PKNOX1: variants seen among roughly 807,000 people sequenced by gnomAD.
The protein encoded by PKNOX1 is PBX/knotted 1 homeobox 1, also known as homeobox protein PKNOX1.
Under a neutral mutation model 51.9 loss-of-function variants are expected in PKNOX1, and 15 were observed. The ratio of observed to expected loss-of-function variants is 0.29; its 90% confidence interval spans 0.19 to 0.45. The LOEUF is 0.45. Among genes scored for constraint, PKNOX1 ranks in the 20% least tolerant of loss-of-function variants. The probability of loss-of-function intolerance (pLI) is 1.00; values close to 1 mark genes in which losing one functional copy is unlikely to be tolerated. For missense variants in PKNOX1, 462 were observed against 547.5 expected (o/e 0.84, Z 1.56); for synonymous variants, 219 against 211.1 (o/e 1.04, Z -0.32).
At chr21:42,974,912 G>A (rs1228325830) in intron 1 of PKNOX1, among the ~76,000 whole-genome samples, 2 of 146,528 alleles carry the variant, frequency 1.4e-5, no homozygotes, top group African/African-American at 2.5e-5. Flanking sequence ...CCGGCGCGGG[G>A]GCGCGCCCAG....
At chr21:43,001,143 C>G (rs1433782576) in intron 1 of PKNOX1, among the ~76,000 whole-genome samples, 2 of 152,138 alleles carry the variant, frequency 1.3e-5, no homozygotes, top group Non-Finnish European at 2.9e-5. Flanking sequence ...TGTGTAGGGT[C>G]TCTGCAGAAC....
At chr21:42,980,551 A>G (rs400262) in intron 1 of PKNOX1, among the ~76,000 whole-genome samples, 136,858 of 152,232 alleles carry the variant, frequency 0.9, 61,653 homozygotes, top group African/African-American at 0.92. Context: ...CTCTGGTGGG[A>G]GAGGGGGCGT....
At position 42,982,384 on chromosome 21, in the gene PKNOX1, G is replaced by A. The variant is rs143029025; in HGVS notation, c.-57+7720G>A. Among the ~76,000 whole-genome samples, 63 of 152,308 alleles carry A rather than the reference G, an allele frequency of 4.1e-4. 1 individual carries two copies. Among genetic ancestry groups the A allele is most frequent in the African/African-American group, 1.5e-3 (61 of 41,570 alleles). ...CATGTTCTCTCAGACATTTTATGAA[G>A]GTTTGTACATTTTTTTGCATTAAAA... On this transcript the variant is annotated intron_variant, in intron 1 of 10. Transcript: ENST00000291547.
chr21:43,003,931 G>T (rs234770), intron 1 of PKNOX1: 33,001 of 157,634 alleles, frequency 0.21, 3,830 homozygotes, highest in Non-Finnish European at 0.25. Context: ...GTAAAAATAT[G>T]TATTTTTAAA....
intron 8 of PKNOX1, among the ~76,000 whole-genome samples, chr21:43,022,488 G>C (rs937769696): frequency 6.6e-6 from 1 of 152,176 alleles, no homozygotes; most frequent in East Asian, 1.9e-4. Flanking sequence ...GGTCCTGGGA[G>C]GAGAAGGGCC....
At chr21:43,013,266 CCT>C in intron 5 of PKNOX1, 28 bp downstream of exon 5, 1 of 1,522,334 alleles carries the variant, frequency 6.6e-7, no homozygotes, top group Middle Eastern at 1.8e-4. Flanking sequence ...TCTCGCTTTC[CCT>C]CTCTGCCACT....
At chr21:43,024,208 G>A (rs1489926269) in intron 8 of PKNOX1, among the ~76,000 whole-genome samples, 1 of 152,184 alleles carries the variant, frequency 6.6e-6, no homozygotes, top group African/African-American at 2.4e-5. Flanking sequence ...CCCAGTGTCA[G>A]TTGATTCCTG....
chr21:43,031,405 G>C lies in PKNOX1; in HGVS notation c.*1304G>C, dbSNP rs1243929597. Reference sequence around the variant, plus strand: ...TGTTCTCTTGTACGTTGTTGCTTTCGACTTTTCAGAGCCCTCCTGCTCACT... The same window carrying C: ...TGTTCTCTTGTACGTTGTTGCTTTCCACTTTTCAGAGCCCTCCTGCTCACT... On this transcript the variant is annotated 3_prime_UTR_variant, in exon 11 of 11. Transcript: ENST00000291547. The C allele has an allele frequency of 3.3e-5, 5 of 152,196 alleles. No individual in the cohort carries two copies. Among genetic ancestry groups the C allele is most frequent in the Admixed American group, 3.3e-4 (5 of 15,264 alleles). 9.4% of individuals were successfully genotyped at this position (152,196 alleles called of 1,614,324 possible).
chr21:43,028,975 TG>T, intron 10 of PKNOX1, 101 bp downstream of exon 10: 1 of 1,257,432 alleles, frequency 8.0e-7, no homozygotes, highest in Non-Finnish European at 1.2e-6. Context: ...TCAGGTAATG[TG>T]GTGAACGAGA....
At position 43,028,698 on chromosome 21, in the gene PKNOX1, C is replaced by A. The variant is rs1980088001; in HGVS notation, c.927-4C>A. On this transcript the variant is annotated splice_polypyrimidine_tract_variant and splice_region_variant and intron_variant, in intron 9 of 10. Coordinates refer to ENST00000291547, the MANE Select transcript of PKNOX1 (RefSeq NM_004571.5). The stretch of plus-strand genomic sequence containing the variant: ...TCATGGAAGCTTCTCTTTGTTGACT[C>A]CAGGTTCATCAATGCCAGAAGACGA... The A allele has an allele frequency of 6.2e-7, 1 of 1,613,622 alleles. No homozygotes were observed. The highest frequency in any genetic ancestry group is 1.1e-5 in the South Asian group (1 of 91,050).
rs1979925653 is a variant in PKNOX1 at position 43,024,898 on chromosome 21, A to G, written c.877A>G (p.Lys293Glu). ...TCCCTACCCAACAGAGGATGAGAAAAAACAGATTGCTGCTCAGACAAATTT... is the reference window on the plus strand; with the variant it reads ...TCCCTACCCAACAGAGGATGAGAAAGAACAGATTGCTGCTCAGACAAATTT... ...GHPYPTEDEK[K>E]QIAAQTNLTL... The change falls in exon 9 of 11, where the codon AAA becomes GAA. Residue 293 changes from lysine (K) to glutamate (E), a missense_variant. By Grantham distance (56) the Lys-to-Glu change is moderately conservative. Coordinates refer to ENST00000291547, the MANE Select transcript of PKNOX1 (RefSeq NM_004571.5). 1 of 1,612,730 alleles carries G rather than the reference A, an allele frequency of 6.2e-7. No individual in the cohort carries two copies.
At chr21:42,989,155 A>G (rs935642781) in intron 1 of PKNOX1, among the ~76,000 whole-genome samples, 10 of 148,092 alleles carry the variant, frequency 6.8e-5, no homozygotes, top group African/African-American at 2.0e-4. Context: ...ATAATTTCCA[A>G]CTTTTTTTTT....
intron 1 of PKNOX1, among the ~76,000 whole-genome samples, chr21:42,986,587 G>A (rs1568888401): frequency 6.6e-6 from 1 of 152,212 alleles, no homozygotes; most frequent in Admixed American, 6.5e-5. Flanking sequence ...AATAGGAGCT[G>A]TGGAAGCCAG....
rs370008470 is a variant in PKNOX1, at chr21:43,010,267, T to C, written c.351+43T>C. 3.0e-5 allele frequency: 35 copies of C among 1,178,428 alleles called. 1 individual carries two copies. In the South Asian group the frequency reaches 5.5e-4, roughly 18 times the overall value. The allele number at this position is 1,178,428 out of a possible 1,614,324, so 73.0% of individuals were successfully genotyped here. On this transcript the variant is annotated intron_variant, in intron 4 of 10. Coordinates refer to ENST00000291547, the MANE Select transcript of PKNOX1 (RefSeq NM_004571.5). The stretch of plus-strand genomic sequence containing the variant: ...TATTTTTAGTTTTCAAAATGTGAAA[T>C]CTGTTCATGAAATTTTAGGCTTCTA...
At chr21:43,012,903 G>A (rs1368519152) in intron 4 of PKNOX1, among the ~76,000 whole-genome samples, 165 bp from the exon 5 acceptor site, 2 of 152,188 alleles carry the variant, frequency 1.3e-5, no homozygotes, top group Non-Finnish European at 2.9e-5. Flanking sequence ...CAGGTCAGTG[G>A]CACCGGAACA....
At chr21:42,985,197 G>C (rs1413795278) in intron 1 of PKNOX1, among the ~76,000 whole-genome samples, 12 of 151,978 alleles carry the variant, frequency 7.9e-5, no homozygotes, top group Non-Finnish European at 2.9e-5. Context: ...ACGTTGGCCA[G>C]GCTGATCTCG....
At chr21:42,976,367 G>A (rs1244372432) in intron 1 of PKNOX1, among the ~76,000 whole-genome samples, 1 of 152,208 alleles carries the variant, frequency 6.6e-6, no homozygotes, top group Non-Finnish European at 1.5e-5. Flanking sequence ...CAGTGTGGAT[G>A]GCTGCTGACT....
At position 43,032,842 on chromosome 21, in the gene PKNOX1, T is replaced by C. The variant is rs958146712; in HGVS notation, c.*2741T>C. The C allele has an allele frequency of 6.6e-6, 1 of 152,244 alleles. No homozygotes were observed. The highest frequency in any genetic ancestry group is 2.4e-5 in the African/African-American group (1 of 41,456). 9.4% of individuals were successfully genotyped at this position (152,244 alleles called of 1,614,324 possible). ...TGAGTTTCCTTTAACCTCTCTGCAATGGGTGCTTTTAACTAGCTTCTACAT... is the reference window on the plus strand; with the variant it reads ...TGAGTTTCCTTTAACCTCTCTGCAACGGGTGCTTTTAACTAGCTTCTACAT... On this transcript the variant is annotated 3_prime_UTR_variant, in exon 11 of 11. Coordinates refer to ENST00000291547, the MANE Select transcript of PKNOX1 (RefSeq NM_004571.5).
chr21:43,015,195 G>C (rs567493119), intron 5 of PKNOX1, among the ~76,000 whole-genome samples: 2 of 152,218 alleles, frequency 1.3e-5, no homozygotes, highest in African/African-American at 4.8e-5. Flanking sequence ...CCTTTCAGTC[G>C]CTCACTGTCG....
Sources: gnomAD v4.1 joint callset for allele counts (sites outside exome capture counted in the v4.1 genomes callset) on GRCh38, gnomAD v4.1.1 for gene constraint, MANE v1.5 for transcripts, NCBI Gene and HGNC (gene_info 2026-07-23, HGNC 2026-07-21) for gene names.